Variants in PTP4A3 observed in about 807,000 individuals in gnomAD.
PTP4A3 encodes the protein protein tyrosine phosphatase 4A3.
In PTP4A3, 9 loss-of-function variants were observed where a neutral mutation model predicts 15.2. The ratio of observed to expected loss-of-function variants is 0.59; its 90% confidence interval spans 0.36 to 1.03. The LOEUF (loss-of-function observed/expected upper bound fraction) is 1.03, where lower values mean the gene tolerates loss of function less well. Among genes scored for constraint, PTP4A3 ranks in the 50% least tolerant of loss-of-function variants. PTP4A3 has a pLI of 0.02. For synonymous variants in PTP4A3, 95 were observed against 102.0 expected, an observed-to-expected ratio of 0.93 and a Z score of 0.41; for missense variants, 234 against 252.1, an observed-to-expected ratio of 0.93 and a Z score of 0.49.
intron 1 of PTP4A3, among the ~76,000 whole-genome samples, chr8:141,396,708 G>A (rs577243328): frequency 1.3e-5 from 2 of 152,294 alleles, no homozygotes; most frequent in East Asian, 3.9e-4. Context: ...GTGGGGAGAC[G>A]GTGGCCTCGG....
chr8:141,427,598 G>A, intron 4 of PTP4A3, 152 bp from the exon 5 acceptor site: 1 of 642,052 alleles, frequency 1.6e-6, no homozygotes, highest in South Asian at 1.9e-5. Context: ...GCTCAGGCTG[G>A]GCTGTGAGGC....
At chr8:141,403,144 C>T (rs1281000978) in intron 1 of PTP4A3, among the ~76,000 whole-genome samples, 1 of 152,200 alleles carries the variant, frequency 6.6e-6, no homozygotes, top group African/African-American at 2.4e-5. Context: ...GGGCCAACCC[C>T]AGGATGAGCC....
chr8:141,427,694 C>G, intron 4 of PTP4A3, 56 bp from the exon 5 acceptor site: 1 of 1,472,606 alleles, frequency 6.8e-7, no homozygotes, highest in Non-Finnish European at 9.2e-7. Context: ...GGTGCCCTGC[C>G]AAGGGGACAG....
rs1031425620 is a variant in PTP4A3 at position 141,427,877 on chromosome 8, C to T, written c.404+53C>T. ...TGTGAGCGCTGGGGGAGGGGAGATC[C>T]GGCTGCCCACGAAGGGTGGCGGCAT... On this transcript the variant is annotated intron_variant, in intron 5 of 5. Transcript: ENST00000521578. The T allele has an allele frequency of 5.1e-5, 76 of 1,483,248 alleles. No individual in the cohort carries two copies. The Middle Eastern group carries it at 7.0e-4, about 14-fold the overall frequency. 91.9% of individuals were successfully genotyped at this position (1,483,248 alleles called of 1,614,324 possible).
At chr8:141,428,697 C>T (rs1350253119) in intron 5 of PTP4A3, among the ~76,000 whole-genome samples, 5 of 152,192 alleles carry the variant, frequency 3.3e-5, no homozygotes, top group Non-Finnish European at 5.9e-5. Flanking sequence ...TCAGGTCTCC[C>T]TGGGGACCAT....
At chr8:141,427,968 C>A in intron 5 of PTP4A3, 144 bp downstream of exon 5, 1 of 827,166 alleles carries the variant, frequency 1.2e-6, no homozygotes, top group Non-Finnish European at 1.8e-6. Context: ...GCTGCAGAAA[C>A]GGGGAAGCCT....
intron 2 of PTP4A3, among the ~76,000 whole-genome samples, chr8:141,424,009 A>C (rs1043226452): frequency 3.3e-5 from 5 of 151,954 alleles, no homozygotes; most frequent in Non-Finnish European, 7.4e-5. Context: ...GTGTGTGACC[A>C]GGATCAGGAA....
In PTP4A3 at chr8:141,427,028, C is replaced by CGGCAGCT; in HGVS notation, c.290_296dup (p.Cys99TrpfsTer25). ...TGAAGGCCAAGTTCTGTGAGGCCCC[C>CGGCAGCT]GGCAGCTGCGTGGCTGTGCACTGCG... is the stretch of plus-strand genomic sequence containing the variant. On this transcript the variant is annotated frameshift_variant, in exon 4 of 6. Coordinates refer to ENST00000521578, the MANE Select transcript of PTP4A3 (RefSeq NM_032611.3). LOFTEE classifies it high-confidence loss of function. The CGGCAGCT allele has an allele frequency of 6.2e-7, 1 of 1,601,950 alleles. No homozygotes were observed.
At chr8:141,424,972 C>A in intron 2 of PTP4A3, 76 bp from the exon 3 acceptor site, 1 of 1,244,122 alleles carries the variant, frequency 8.0e-7, no homozygotes, top group Non-Finnish European at 1.2e-6. Flanking sequence ...GCCCTGGGAG[C>A]CCTGGTGAGT....
chr8:141,420,566 G>T (rs942761059), intron 1 of PTP4A3, among the ~76,000 whole-genome samples: 16 of 152,326 alleles, frequency 1.1e-4, no homozygotes, highest in Admixed American at 5.9e-4. Context: ...CCCTGTCATG[G>T]TGTGAACCCA....
intron 1 of PTP4A3, among the ~76,000 whole-genome samples, chr8:141,418,201 T>G (rs1362022363): frequency 6.6e-6 from 1 of 152,126 alleles, no homozygotes; most frequent in Non-Finnish European, 1.5e-5. Flanking sequence ...AGCGCCCGCC[T>G]CAGCCCTGAC....
chr8:141,415,854 C>T (rs1223091330), intron 1 of PTP4A3, among the ~76,000 whole-genome samples: 1 of 147,828 alleles, frequency 6.8e-6, no homozygotes, highest in Non-Finnish European at 1.5e-5. Context: ...AGTGCAGGGG[C>T]CTGGAGGACT....
At position 141,427,016 on chromosome 8, in the gene PTP4A3, C is replaced by T. The variant is rs573565586; in HGVS notation, c.276C>T (p.Phe92=). 19 of 1,604,118 alleles carry T rather than the reference C, an allele frequency of 1.2e-5. No homozygotes were observed. The Middle Eastern group carries it at 5.0e-4, about 42-fold the overall frequency. The part of the protein sequence containing the change: ...EDWLSLVKAK[F]CEAPGSCVAV... ...GGCTGAGCCTGGTGAAGGCCAAGTT[C>T]TGTGAGGCCCCCGGCAGCTGCGTGG... The change falls in exon 4 of 6, where the codon TTC becomes TTT. Residue 92 remains phenylalanine, a synonymous_variant. Transcript: ENST00000521578.
chr8:141,406,811 A>AATCC lies in PTP4A3; in HGVS notation c.-853-14577_-853-14576insATCC, dbSNP rs1832738938. On this transcript the variant is annotated intron_variant, in intron 1 of 5. Coordinates refer to ENST00000521578, the MANE Select transcript of PTP4A3 (RefSeq NM_032611.3). The surrounding 1 kb of genome is among the most constrained non-coding windows in gnomAD (Gnocchi z 4.5). ...GCACTTCGCCCTGAATCCTCCTCTG[A>AATCC]GCCGGCTTTGCCTCCTGCTGTTCCC... is the stretch of plus-strand genomic sequence containing the variant. Among the ~76,000 whole-genome samples the AATCC allele has an allele frequency of 6.6e-6, 1 of 152,138 alleles. No individual in the cohort carries two copies. Among genetic ancestry groups the AATCC allele is most frequent in the African/African-American group, 2.4e-5 (1 of 41,428 alleles).
intron 4 of PTP4A3, 113 bp from the exon 5 acceptor site, chr8:141,427,635 CAG>C (rs1833639556): frequency 2.7e-5 from 23 of 867,500 alleles, no homozygotes; most frequent in Non-Finnish European, 3.5e-5. Context: ...GAGCTTCAGG[CAG>C]GGGGGATTCT....
chr8:141,431,302 G>C lies in PTP4A3; in HGVS notation c.*258G>C, dbSNP rs1011095937. The stretch of plus-strand genomic sequence containing the variant: ...GCGCTGGCCGTGGCTCTGTCTCTCT[G>C]AGGTGGGTCGGGCGCCCTCTGCCCG... On this transcript the variant is annotated 3_prime_UTR_variant, in exon 6 of 6. Coordinates refer to ENST00000521578, the MANE Select transcript of PTP4A3 (RefSeq NM_032611.3). 6.1e-5 allele frequency: 33 copies of C among 544,136 alleles called. No individual in the cohort carries two copies. The highest frequency in any genetic ancestry group is 4.9e-4 in the African/African-American group (26 of 52,726). 33.7% of individuals were successfully genotyped at this position (544,136 alleles called of 1,614,324 possible). A position where few individuals can be genotyped will look rare whatever the true frequency, so the allele number is the denominator to read the frequency against.
rs186081383 is a variant in PTP4A3 at position 141,416,266 on chromosome 8, C to G, written c.-853-5122C>G. Among the ~76,000 whole-genome samples the G allele has an allele frequency of 3.5e-3, 539 of 151,872 alleles. 4 individuals carry two copies. The highest frequency in any genetic ancestry group is 0.013 in the African/African-American group (518 of 41,414). On this transcript the variant is annotated intron_variant, in intron 1 of 5. Transcript: ENST00000521578. ...CCCAGAGGTCCTCTCTCCCAGAGGG[C>G]TAGGGTGGGGATAAGCAGGGTCTCG...
chr8:141,402,250 C>T (rs1371978019), intron 1 of PTP4A3, among the ~76,000 whole-genome samples: 10 of 152,156 alleles, frequency 6.6e-5, no homozygotes, highest in Admixed American at 6.5e-5. Flanking sequence ...TGGGACCAGT[C>T]GGGGTACTTG....
intron 5 of PTP4A3, among the ~76,000 whole-genome samples, chr8:141,428,074 C>A (rs1184286812): frequency 6.6e-6 from 1 of 152,064 alleles, no homozygotes; most frequent in Non-Finnish European, 1.5e-5. Flanking sequence ...CCTGCCCGCC[C>A]TCCACAGACA....
Sources: allele counts gnomAD v4.1 joint callset (sites outside exome capture counted in the v4.1 genomes callset), GRCh38; gene constraint gnomAD v4.1.1; non-coding constraint Gnocchi (gnomAD v3.1); transcripts MANE v1.5; gene names NCBI Gene and HGNC (gene_info 2026-07-23, HGNC 2026-07-21).